The following LRRC31 variants were observed in gnomAD, a reference collection of about 807,000 sequenced individuals.
LRRC31 encodes the protein leucine-rich repeat-containing protein 31.
In LRRC31, 35 loss-of-function variants were observed where a neutral mutation model predicts 46.7. The observed-to-expected ratio is 0.75, with a 90% CI of 0.57 to 0.99. The LOEUF is 0.99. Among genes scored for constraint, LRRC31 ranks in the 50% least tolerant of loss-of-function variants. The pLI is 0.00. For synonymous variants in LRRC31, 236 were observed against 235.1 expected (o/e 1.00, Z -0.03); for missense variants, 613 against 626.1 (o/e 0.98, Z 0.22).
intron 6 of LRRC31, among the ~76,000 whole-genome samples, chr3:169,852,768 C>T (rs1780826949): frequency 6.6e-6 from 1 of 152,212 alleles, no homozygotes. Flanking sequence ...TGAAGCCTTC[C>T]AGGGTCACCC....
intron 7 of LRRC31, among the ~76,000 whole-genome samples, chr3:169,850,809 G>A (rs2108207483): frequency 6.6e-6 from 1 of 152,186 alleles, no homozygotes; most frequent in African/African-American, 2.4e-5. Flanking sequence ...TGCCCACTTG[G>A]TGACAAGTGC....
At chr3:169,854,576 T>C (rs1780884871) in intron 6 of LRRC31, among the ~76,000 whole-genome samples, 1 of 152,210 alleles carries the variant, frequency 6.6e-6, no homozygotes, top group Non-Finnish European at 1.5e-5. Flanking sequence ...AAATTTTCCC[T>C]AAGTGCCAAA....
rs763598067 is a variant in LRRC31 at position 169,840,037 on chromosome 3, C to T, written c.1604G>A (p.Cys535Tyr). ...GCTTCTTTTTTTATCTTGGTCAAAG[C>T]ATTCTAGTTCTTCCTCCTGTGAAGC... is the stretch of plus-strand genomic sequence containing the variant. ...LPASQEEELE[C>Y]FDQDKKRSIH... is the part of the protein sequence containing the mutation. The change falls in exon 9 of 9, where the codon TGC (cysteine) becomes TAC (tyrosine). Residue 535 changes from cysteine to tyrosine, a missense_variant. By Grantham distance (194) the Cys-to-Tyr change is radical. Transcript: ENST00000316428. 15 of 1,613,866 alleles carry T rather than the reference C, an allele frequency of 9.3e-6. 1 individual carries two copies. In the South Asian group the frequency reaches 1.5e-4, roughly 17 times the overall value.
chr3:169,847,621 C>T (rs1037942311), intron 8 of LRRC31, among the ~76,000 whole-genome samples: 2 of 152,208 alleles, frequency 1.3e-5, no homozygotes, highest in Non-Finnish European at 2.9e-5. Context: ...TGCCTTTAAC[C>T]CTCTCATCTT....
intron 8 of LRRC31, 79 bp from the exon 9 acceptor site, chr3:169,840,392 TCTC>T: frequency 7.3e-7 from 1 of 1,375,958 alleles, no homozygotes. Context: ...CATAACACTA[TCTC>T]CAGGAATAGT....
rs1780946548 is a variant in LRRC31, at chr3:169,856,493, T to C, written c.666A>G (p.Leu222=). 6.3e-7 allele frequency: 1 copy of C among 1,595,840 alleles called. No homozygotes were observed. The highest frequency in any genetic ancestry group is 8.5e-7 in the Non-Finnish European group (1 of 1,172,440). Residue 222 remains leucine (L), a synonymous_variant, in exon 5 of 9, where the codon CTA becomes CTG. Transcript: ENST00000316428. ...GTACTTCGAGACTTTGCAGCATAGG[T>C]AGCAGTTGACCTAGAAGGAAAGAAA... is the stretch of plus-strand genomic sequence containing the variant. The part of the protein sequence containing the change: ...SEDGTFLGQL[L]PMLQSLEVLD...
intron 6 of LRRC31, chr3:169,853,664 T>C: frequency 1.0e-6 from 1 of 985,636 alleles, no homozygotes; most frequent in East Asian, 1.1e-4. Flanking sequence ...AAAGGGATTA[T>C]TTTGTCATTT....
At chr3:169,866,071 C>A (rs1781322590) in intron 1 of LRRC31, among the ~76,000 whole-genome samples, 1 of 152,064 alleles carries the variant, frequency 6.6e-6, no homozygotes, top group Non-Finnish European at 1.5e-5. Flanking sequence ...ACCTTGAGGG[C>A]CATGCTTGGG....
chr3:169,851,272 G>T (rs889341856), intron 7 of LRRC31, among the ~76,000 whole-genome samples: 2 of 152,098 alleles, frequency 1.3e-5, no homozygotes, highest in African/African-American at 4.8e-5. Context: ...AATTAGTCAG[G>T]TATGGTGACG....
chr3:169,855,737 A>G (rs1378594180), intron 5 of LRRC31, among the ~76,000 whole-genome samples: 1 of 152,186 alleles, frequency 6.6e-6, no homozygotes, highest in Non-Finnish European at 1.5e-5. Context: ...CACTTTCAAA[A>G]GAGAAAACCT....
At chr3:169,847,999 A>T (rs1780654986) in intron 8 of LRRC31, 121 bp downstream of exon 8, 6 of 878,802 alleles carry the variant, frequency 6.8e-6, no homozygotes, top group Non-Finnish European at 1.0e-5. Flanking sequence ...TGAGAAGGGA[A>T]TCTGCACAGA....
intron 8 of LRRC31, among the ~76,000 whole-genome samples, chr3:169,844,265 G>C (rs1239098651): frequency 1.3e-5 from 2 of 152,056 alleles, no homozygotes; most frequent in Admixed American, 1.3e-4. Context: ...TAATGACCAT[G>C]ACCAGGCTGA....
chr3:169,856,611 T>G (rs1468892907), intron 4 of LRRC31, 94 bp downstream of exon 4: 20 of 1,406,536 alleles, frequency 1.4e-5, no homozygotes, highest in Non-Finnish European at 1.9e-5. Flanking sequence ...TACATACCCT[T>G]CTTTAAATTC....
chr3:169,857,825 G>A (rs77896036), intron 3 of LRRC31, among the ~76,000 whole-genome samples: 10,374 of 152,150 alleles, frequency 0.068, 390 homozygotes, highest in Admixed American at 0.099. Flanking sequence ...ATGGATTAAG[G>A]TTTTAGAAGT....
chr3:169,847,416 C>T (rs944618247), intron 8 of LRRC31, among the ~76,000 whole-genome samples: 18 of 152,198 alleles, frequency 1.2e-4, no homozygotes, highest in Non-Finnish European at 2.2e-4. Context: ...AACTCCTGAC[C>T]TCAAGTGATC....
intron 3 of LRRC31, among the ~76,000 whole-genome samples, chr3:169,857,264 A>G (rs1780980867): frequency 6.8e-6 from 1 of 146,256 alleles, no homozygotes; most frequent in South Asian, 2.2e-4. Flanking sequence ...GGCAAAGCAG[A>G]TAACTGGCCA....
chr3:169,842,979 AG>A (rs1780497291), intron 8 of LRRC31, among the ~76,000 whole-genome samples: 1 of 152,252 alleles, frequency 6.6e-6, no homozygotes, highest in South Asian at 2.1e-4. Flanking sequence ...AATTCTAAAT[AG>A]CCACCTTAAG....
chr3:169,852,389 T>C (rs1451837029), intron 6 of LRRC31, among the ~76,000 whole-genome samples: 4 of 122,728 alleles, frequency 3.3e-5, no homozygotes, highest in South Asian at 2.6e-4. Flanking sequence ...GGCGACAGAG[T>C]GAGACTCCGT....
intron 6 of LRRC31, among the ~76,000 whole-genome samples, chr3:169,852,615 G>T (rs966987102): frequency 6.6e-6 from 1 of 152,114 alleles, no homozygotes; most frequent in Non-Finnish European, 1.5e-5. Context: ...GACACCTATT[G>T]GTAACGGCAC....
Sources: allele counts gnomAD v4.1 joint callset (sites outside exome capture counted in the v4.1 genomes callset), GRCh38; gene constraint gnomAD v4.1.1; transcripts MANE v1.5; gene names NCBI Gene and HGNC (gene_info 2026-07-23, HGNC 2026-07-21).